Variants in CDKAL1 observed in about 807,000 individuals in gnomAD.
The protein encoded by CDKAL1 is CDKAL1 threonylcarbamoyladenosine tRNA methylthiotransferase.
In CDKAL1, 32 loss-of-function variants were observed where a neutral mutation model predicts 68.2. The observed-to-expected ratio is 0.47, with a 90% CI of 0.35 to 0.63. The LOEUF is 0.63. Ranked by LOEUF, CDKAL1 falls within the 30% of genes least tolerant of loss-of-function variation. The pLI is 0.00. For missense variants in CDKAL1, 606 were observed against 696.7 expected, an observed-to-expected ratio of 0.87 and a Z score of 1.47; for synonymous variants, 234 against 244.3, an observed-to-expected ratio of 0.96 and a Z score of 0.39.
At chr6:20,617,521 A>C (rs1031888073) in intron 4 of CDKAL1, among the ~76,000 whole-genome samples, 1 of 152,154 alleles carries the variant, frequency 6.6e-6, no homozygotes, top group Admixed American at 6.5e-5. Flanking sequence ...GCACCTGTTA[A>C]CTGGTCATTT....
intron 5 of CDKAL1, among the ~76,000 whole-genome samples, chr6:20,669,025 A>G (rs933626300): frequency 6.6e-6 from 1 of 152,184 alleles, no homozygotes; most frequent in African/African-American, 2.4e-5. Context: ...GGCTGTTGAT[A>G]TATCTCTGTA....
chr6:21,228,278 G>A (rs1779828474), intron 15 of CDKAL1, among the ~76,000 whole-genome samples: 1 of 152,160 alleles, frequency 6.6e-6, no homozygotes, highest in Admixed American at 6.5e-5. Flanking sequence ...AGGTATCTGT[G>A]AACCTCCTGA....
intron 5 of CDKAL1, among the ~76,000 whole-genome samples, chr6:20,655,756 TGGG>T (rs1768998812): frequency 6.6e-6 from 1 of 152,106 alleles, no homozygotes; most frequent in African/African-American, 2.4e-5. Context: ...CCAAAAATGT[TGGG>T]GGGACCGCTG....
intron 5 of CDKAL1, among the ~76,000 whole-genome samples, 160 bp from the exon 6 acceptor site, chr6:20,739,359 C>T (rs558122788): frequency 1.3e-5 from 2 of 152,226 alleles, no homozygotes; most frequent in South Asian, 4.1e-4. Context: ...ACATATTGTA[C>T]AGAAGTTTTA....
intron 8 of CDKAL1, among the ~76,000 whole-genome samples, chr6:20,828,770 T>C (rs1777599334): frequency 1.3e-5 from 2 of 152,182 alleles, no homozygotes; most frequent in Admixed American, 6.5e-5. Context: ...ACATTCGTGT[T>C]GTTGTACAAA....
intron 4 of CDKAL1, among the ~76,000 whole-genome samples, chr6:20,565,247 T>G (rs112508153): frequency 6.6e-6 from 1 of 152,126 alleles, no homozygotes; most frequent in Non-Finnish European, 1.5e-5. Flanking sequence ...ACTTTTGTTG[T>G]GGGGGTAAGT....
intron 13 of CDKAL1, among the ~76,000 whole-genome samples, chr6:21,152,452 T>C (rs1447937833): frequency 6.6e-6 from 1 of 152,214 alleles, no homozygotes; most frequent in Non-Finnish European, 1.5e-5. Context: ...GTTCCTTCTC[T>C]AAAGCAGCTC....
chr6:20,646,545 C>T (rs886814089), intron 4 of CDKAL1, among the ~76,000 whole-genome samples: 3 of 152,156 alleles, frequency 2.0e-5, no homozygotes, highest in Admixed American at 2.0e-4. Flanking sequence ...CACATGTTTT[C>T]CCTTTATTTT....
intron 5 of CDKAL1, among the ~76,000 whole-genome samples, chr6:20,703,062 T>C (rs116516564): frequency 6.6e-6 from 1 of 152,352 alleles, no homozygotes; most frequent in African/African-American, 2.4e-5. Context: ...TCCATTAGAA[T>C]ATGTGTTGCA....
At chr6:20,843,854 T>G (rs1778270321) in intron 8 of CDKAL1, among the ~76,000 whole-genome samples, 1 of 152,236 alleles carries the variant, frequency 6.6e-6, no homozygotes, top group Middle Eastern at 3.4e-3. Flanking sequence ...TGAGGTAGTA[T>G]TAGAAGGAGA....
chr6:21,179,881 C>T (rs1422659190), intron 13 of CDKAL1, among the ~76,000 whole-genome samples: 5 of 152,178 alleles, frequency 3.3e-5, no homozygotes, highest in African/African-American at 4.8e-5. Context: ...ATTAGCTGGG[C>T]GTGGTAGCAT....
chr6:21,030,842 AG>A (rs1769244786), intron 11 of CDKAL1, among the ~76,000 whole-genome samples: 1 of 152,162 alleles, frequency 6.6e-6, no homozygotes. Context: ...GATTTTAAGA[AG>A]GGGCAGGAGT....
chr6:20,722,534 A>G (rs372036309), intron 5 of CDKAL1: 1 of 332,854 alleles, frequency 3.0e-6, no homozygotes. Context: ...GCTTCCTGTC[A>G]TAATGCTGCT....
intron 13 of CDKAL1, among the ~76,000 whole-genome samples, chr6:21,140,617 G>A (rs1364824973): frequency 6.6e-6 from 1 of 152,158 alleles, no homozygotes; most frequent in African/African-American, 2.4e-5. Context: ...GTTGCTAGTG[G>A]TGCTACTGGC....
intron 4 of CDKAL1, among the ~76,000 whole-genome samples, chr6:20,609,262 T>TTCCTCC (rs1554162605): frequency 4.0e-5 from 1 of 24,818 alleles, no homozygotes; most frequent in Non-Finnish European, 8.7e-5. Context: ...TCCTCCTTCC[T>TTCCTCC]TCCTCCTCCT....
chr6:20,653,740 GAGT>G (rs1264858718), intron 5 of CDKAL1, among the ~76,000 whole-genome samples: 1 of 151,708 alleles, frequency 6.6e-6, no homozygotes, highest in Non-Finnish European at 1.5e-5. Flanking sequence ...TCAGCCTCTC[GAGT>G]AGGTGGGATT....
intron 9 of CDKAL1, among the ~76,000 whole-genome samples, chr6:20,879,548 C>G (rs1361626323): frequency 6.6e-6 from 1 of 152,152 alleles, no homozygotes; most frequent in Non-Finnish European, 1.5e-5. Flanking sequence ...ATTCAGGAAG[C>G]AAATATGTGT....
intron 12 of CDKAL1, among the ~76,000 whole-genome samples, chr6:21,078,473 A>C (rs1043537144): frequency 6.6e-6 from 1 of 152,162 alleles, no homozygotes; most frequent in African/African-American, 2.4e-5. Flanking sequence ...TTTCATTCTC[A>C]CAGCTCTCTG....
chr6:20,915,535 C>T (rs765782630), intron 9 of CDKAL1, among the ~76,000 whole-genome samples: 1 of 152,182 alleles, frequency 6.6e-6, no homozygotes, highest in Non-Finnish European at 1.5e-5. Flanking sequence ...ATCTGCTTTA[C>T]TCAAACTCTA....
Sources: gnomAD v4.1 joint callset for allele counts (sites outside exome capture counted in the v4.1 genomes callset) on GRCh38, gnomAD v4.1.1 for gene constraint, MANE v1.5 for transcripts, NCBI Gene and HGNC (gene_info 2026-07-23, HGNC 2026-07-21) for gene names.